C1GALT1: variants seen among roughly 807,000 people sequenced by gnomAD.
The protein encoded by C1GALT1 is glycoprotein-N-acetylgalactosamine 3-beta-galactosyltransferase 1.
C1GALT1 carries 11 observed loss-of-function variants against 31.0 expected under a neutral mutation model. That is an observed-to-expected ratio of 0.36 (90% confidence interval 0.22 to 0.59). C1GALT1 has a LOEUF of 0.59. Ranked by LOEUF, C1GALT1 falls within the 20% of genes least tolerant of loss-of-function variation. C1GALT1 has a pLI of 0.79. For missense variants in C1GALT1, 424 were observed against 425.2 expected (o/e 1.00, Z 0.03); for synonymous variants, 175 against 143.6 (o/e 1.22, Z -1.56).
In C1GALT1 at chr7:7,245,677, C is replaced by T. The variant is rs1182044019; in HGVS notation, c.*1950C>T. 4 of 152,194 alleles carry T rather than the reference C, an allele frequency of 2.6e-5. No individual in the cohort carries two copies. Among genetic ancestry groups the T allele is most frequent in the Non-Finnish European group, 5.9e-5 (4 of 68,030 alleles). 9.4% of individuals were successfully genotyped at this position (152,194 alleles called of 1,614,324 possible). On this transcript the variant is annotated 3_prime_UTR_variant, in exon 4 of 4. Coordinates refer to ENST00000436587, the MANE Select transcript of C1GALT1 (RefSeq NM_020156.5). ...CATTCATTTTATTCTTTGAACAACT[C>T]TTCACCATGGTGTGGACATGAATTT...
chr7:7,187,990 A>G (rs1363519072), intron 1 of C1GALT1, among the ~76,000 whole-genome samples: 1 of 144,552 alleles, frequency 6.9e-6, no homozygotes, highest in Non-Finnish European at 1.5e-5. Context: ...TTTTCATTTT[A>G]GAGAGCTCAT....
At chr7:7,204,957 T>C (rs1322310457) in intron 1 of C1GALT1, among the ~76,000 whole-genome samples, 2 of 152,198 alleles carry the variant, frequency 1.3e-5, no homozygotes, top group African/African-American at 4.8e-5. Flanking sequence ...ACATGGTGTA[T>C]CCTGGGAAAT....
At chr7:7,236,457 G>T (rs1783356770) in intron 2 of C1GALT1, among the ~76,000 whole-genome samples, 1 of 152,130 alleles carries the variant, frequency 6.6e-6, no homozygotes, top group Non-Finnish European at 1.5e-5. Context: ...TGAAAGTAGG[G>T]TGATTTTGTC....
chr7:7,241,247 ATTG>A (rs1175443536), intron 3 of C1GALT1, among the ~76,000 whole-genome samples: 2 of 151,964 alleles, frequency 1.3e-5, no homozygotes, highest in Admixed American at 1.3e-4. Context: ...ATTTTTTTAA[ATTG>A]TTAACTAATT....
chr7:7,180,328 TGTTCAAG>T (rs1364805372), upstream of C1GALT1, among the ~76,000 whole-genome samples: 4 of 152,358 alleles, frequency 2.6e-5, no homozygotes, highest in Admixed American at 2.6e-4. Flanking sequence ...TCTAGGAATG[TGTTCAAG>T]GAGATAATTG....
chr7:7,216,675 C>T (rs578035715), intron 1 of C1GALT1, among the ~76,000 whole-genome samples: 1 of 152,332 alleles, frequency 6.6e-6, no homozygotes, highest in South Asian at 2.1e-4. Context: ...TAAGTACTAT[C>T]TTAATCGGAG....
chr7:7,211,686 T>C (rs1782011283), intron 1 of C1GALT1, among the ~76,000 whole-genome samples: 1 of 152,226 alleles, frequency 6.6e-6, no homozygotes, highest in African/African-American at 2.4e-5. Context: ...GCTTTGGTTT[T>C]ATTTTCCTAA....
intron 2 of C1GALT1, among the ~76,000 whole-genome samples, chr7:7,158,814 C>A (rs1197974630): frequency 6.6e-6 from 1 of 151,986 alleles, no homozygotes; most frequent in Non-Finnish European, 1.5e-5. Flanking sequence ...GATAACATTT[C>A]TTTCCCTTTT....
chr7:7,158,000 T>C (rs551429753), intron 2 of C1GALT1, among the ~76,000 whole-genome samples: 1 of 152,206 alleles, frequency 6.6e-6, no homozygotes, highest in African/African-American at 2.4e-5. Context: ...AAATCAAAAG[T>C]AGTTTCCTCA....
intron 1 of C1GALT1, among the ~76,000 whole-genome samples, chr7:7,196,345 A>G (rs1781287291): frequency 6.6e-6 from 1 of 152,086 alleles, no homozygotes; most frequent in Non-Finnish European, 1.5e-5. Context: ...TGGTTTGCTC[A>G]GAATGATGGT....
intron 1 of C1GALT1, among the ~76,000 whole-genome samples, chr7:7,193,919 A>ATT (rs113808427): frequency 6.8e-6 from 1 of 146,352 alleles, no homozygotes. Context: ...TAAGTATTTT[A>ATT]TTTTTTTTTT....
chr7:7,222,524 T>C (rs1782556244), intron 1 of C1GALT1, among the ~76,000 whole-genome samples: 1 of 152,314 alleles, frequency 6.6e-6, no homozygotes, highest in South Asian at 2.1e-4. Context: ...TAATAGCTAT[T>C]ATACAAAGTG....
intron 1 of C1GALT1, among the ~76,000 whole-genome samples, chr7:7,207,792 T>C (rs1444410247): frequency 0.031 from 3,537 of 112,838 alleles, 120 homozygotes; most frequent in African/African-American, 0.1. Context: ...TTTTCTTTGT[T>C]TTTTTTTTTT....
At chr7:7,215,398 G>C (rs2128240257) in intron 1 of C1GALT1, among the ~76,000 whole-genome samples, 1 of 151,740 alleles carries the variant, frequency 6.6e-6, no homozygotes, top group African/African-American at 2.4e-5. Context: ...TTTGTGCCGG[G>C]AGAGAAAAGC....
chr7:7,193,866 T>C (rs1321672596), intron 1 of C1GALT1, among the ~76,000 whole-genome samples: 1 of 152,234 alleles, frequency 6.6e-6, no homozygotes, highest in Non-Finnish European at 1.5e-5. Flanking sequence ...CAGTGTTTTG[T>C]AGTTTTTCTT....
Position 7,182,774 on chromosome 7 carries a change from C to T in C1GALT1, c.-64C>T. 2.0e-6 allele frequency: 2 copies of T among 985,418 alleles called. No homozygotes were observed. The highest frequency in any genetic ancestry group is 2.4e-6 in the Non-Finnish European group (2 of 829,896). The allele number at this position is 985,418 out of a possible 1,614,324, so 61.0% of individuals were successfully genotyped here. Reference sequence around the variant, plus strand: ...AGGTCACCAGTCCCAAGTCGTCCCCCTCTCCGCCCCCCAGGAGGGGCGAGA... The same window carrying T: ...AGGTCACCAGTCCCAAGTCGTCCCCTTCTCCGCCCCCCAGGAGGGGCGAGA... On this transcript the variant is annotated 5_prime_UTR_variant, in exon 1 of 4. Coordinates refer to ENST00000436587, the MANE Select transcript of C1GALT1 (RefSeq NM_020156.5).
At chr7:7,237,282 C>T (rs916852114) in intron 2 of C1GALT1, among the ~76,000 whole-genome samples, 1 of 152,142 alleles carries the variant, frequency 6.6e-6, no homozygotes. Flanking sequence ...TCCTCTGTAC[C>T]GGTGCTACTC....
At chr7:7,173,723 G>A (rs144528788) in intron 2 of C1GALT1, among the ~76,000 whole-genome samples, 1 of 152,182 alleles carries the variant, frequency 6.6e-6, no homozygotes, top group African/African-American at 2.4e-5. Context: ...GCAACATGGT[G>A]AAACCCTATT....
At chr7:7,170,340 C>G (rs1780440335) in intron 2 of C1GALT1, among the ~76,000 whole-genome samples, 1 of 152,038 alleles carries the variant, frequency 6.6e-6, no homozygotes, top group Non-Finnish European at 1.5e-5. Context: ...TTTGCTCTTC[C>G]TTTTCTAGTT....
Sources: allele counts gnomAD v4.1 joint callset (sites outside exome capture counted in the v4.1 genomes callset), GRCh38; gene constraint gnomAD v4.1.1; transcripts MANE v1.5; gene names NCBI Gene and HGNC (gene_info 2026-07-23, HGNC 2026-07-21).